AGPS: variants seen among roughly 807,000 people sequenced by gnomAD.
AGPS encodes alkylglycerone phosphate synthase.
Under a neutral mutation model 90.7 loss-of-function variants are expected in AGPS, and 26 were observed. That is an observed-to-expected ratio of 0.29 (90% confidence interval 0.21 to 0.40). The LOEUF (loss-of-function observed/expected upper bound fraction) is 0.40. Ranked by LOEUF, AGPS falls within the 10% of genes least tolerant of loss-of-function variation. The pLI is 1.00. For synonymous variants in AGPS, 294 were observed against 285.3 expected, an observed-to-expected ratio of 1.03 and a Z score of -0.31; for missense variants, 540 against 816.1, an observed-to-expected ratio of 0.66 and a Z score of 4.12.
At chr2:177,456,633 A>G (rs1559054373) in intron 8 of AGPS, among the ~76,000 whole-genome samples, 2 of 152,150 alleles carry the variant, frequency 1.3e-5, no homozygotes, top group Admixed American at 1.3e-4. Flanking sequence ...TTTGCTTTAC[A>G]CAATTCCTGG....
intron 14 of AGPS, among the ~76,000 whole-genome samples, chr2:177,502,537 C>A (rs566818203): frequency 2.0e-5 from 3 of 151,438 alleles, no homozygotes; most frequent in Non-Finnish European, 4.4e-5. Flanking sequence ...CCTCTTCAGC[C>A]GCCTGAGTAG....
At chr2:177,537,218 G>T (rs1016583935) in intron 19 of AGPS, among the ~76,000 whole-genome samples, 2 of 152,086 alleles carry the variant, frequency 1.3e-5, no homozygotes, top group Non-Finnish European at 2.9e-5. Flanking sequence ...TTCTTTTACA[G>T]ATTAAGTACA....
intron 9 of AGPS, among the ~76,000 whole-genome samples, chr2:177,466,084 C>T (rs547194681): frequency 6.6e-6 from 1 of 152,206 alleles, no homozygotes; most frequent in South Asian, 2.1e-4. Context: ...GATGAGCATC[C>T]AGCTCTCAGC....
chr2:177,517,447 T>C (rs2105729723), intron 17 of AGPS, among the ~76,000 whole-genome samples: 2 of 152,292 alleles, frequency 1.3e-5, no homozygotes, highest in East Asian at 3.9e-4. Context: ...TGGGCATTTC[T>C]CCCATTTCTT....
chr2:177,509,539 G>GTC, intron 16 of AGPS, among the ~76,000 whole-genome samples: 2 of 151,902 alleles, frequency 1.3e-5, no homozygotes, highest in East Asian at 3.9e-4. Context: ...GGTGGCGGGC[G>GTC]TCTGTAGTCC....
chr2:177,400,741 T>C (rs1322919536), intron 1 of AGPS, among the ~76,000 whole-genome samples: 1 of 152,244 alleles, frequency 6.6e-6, no homozygotes, highest in African/African-American at 2.4e-5. Flanking sequence ...CTCCAAATTC[T>C]ATTTATAGTT....
In AGPS at chr2:177,515,469, C is replaced by T. The variant is rs77566789; in HGVS notation, c.1697+1561C>T. ...AACTTAACAGATTTTACCCTTCCCC[C>T]TTCTTCCTTCTGCCCCCAAGTTCCT... On this transcript the variant is annotated intron_variant, in intron 17 of 19. Coordinates refer to ENST00000264167, the MANE Select transcript of AGPS (RefSeq NM_003659.4). Among the ~76,000 whole-genome samples, 920 of 151,820 alleles carry T rather than the reference C, an allele frequency of 6.1e-3. 11 individuals carry two copies. The highest frequency in any genetic ancestry group is 0.02 in the African/African-American group (834 of 41,384).
chr2:177,444,241 T>C (rs556141970), intron 7 of AGPS, among the ~76,000 whole-genome samples: 5 of 151,722 alleles, frequency 3.3e-5, no homozygotes, highest in Non-Finnish European at 7.4e-5. Context: ...GCCAATGTGG[T>C]GAAACCCTGT....
At chr2:177,440,833 T>G (rs1181292190) in intron 5 of AGPS, 132 bp from the exon 6 acceptor site, 4 of 717,324 alleles carry the variant, frequency 5.6e-6, no homozygotes, top group Non-Finnish European at 9.8e-6. Context: ...AGTACTCAAT[T>G]AACTCATTGT....
chr2:177,477,741 C>A (rs1329229893), intron 10 of AGPS, among the ~76,000 whole-genome samples: 1 of 152,084 alleles, frequency 6.6e-6, no homozygotes, highest in Non-Finnish European at 1.5e-5. Context: ...GTTTACATTA[C>A]CATCTGTAAT....
intron 17 of AGPS, 137 bp downstream of exon 17, chr2:177,514,045 C>T: frequency 5.8e-6 from 4 of 684,160 alleles, no homozygotes; most frequent in South Asian, 3.5e-5. Flanking sequence ...CCTTCACTTA[C>T]CACCTTGTTA....
intron 11 of AGPS, among the ~76,000 whole-genome samples, chr2:177,491,552 C>T (rs1460145208): frequency 1.3e-5 from 2 of 150,370 alleles, no homozygotes; most frequent in Non-Finnish European, 3.0e-5. Context: ...GCTGGGATTA[C>T]AGGTGTGAGC....
intron 8 of AGPS, among the ~76,000 whole-genome samples, chr2:177,454,466 T>C (rs1050273624): frequency 6.6e-6 from 1 of 151,984 alleles, no homozygotes; most frequent in African/African-American, 2.4e-5. Context: ...ACTGTTTTAA[T>C]GTTCTTGTCA....
intron 11 of AGPS, among the ~76,000 whole-genome samples, chr2:177,482,689 A>G (rs997848523): frequency 6.6e-6 from 1 of 152,154 alleles, no homozygotes; most frequent in African/African-American, 2.4e-5. Context: ...ACTTTGTTTC[A>G]TAATATTATC....
intron 8 of AGPS, among the ~76,000 whole-genome samples, chr2:177,451,648 GT>G (rs1162775610): frequency 7.2e-5 from 11 of 152,060 alleles, no homozygotes; most frequent in Non-Finnish European, 1.5e-4. Context: ...AACTATAGGT[GT>G]TTTTTGTAGA....
chr2:177,451,068 C>T (rs1384524715), intron 8 of AGPS, among the ~76,000 whole-genome samples: 3 of 107,614 alleles, frequency 2.8e-5, no homozygotes, highest in Non-Finnish European at 4.3e-5. Context: ...CTTAAATGAT[C>T]CTCCTGCTAC....
At chr2:177,506,248 C>T (rs1274476846) in intron 15 of AGPS, among the ~76,000 whole-genome samples, 1 of 151,062 alleles carries the variant, frequency 6.6e-6, no homozygotes, top group Non-Finnish European at 1.5e-5. Context: ...TTCCTGTTTA[C>T]ATAATTTGAA....
chr2:177,443,498 A>G (rs1686674902), intron 7 of AGPS, among the ~76,000 whole-genome samples: 1 of 152,252 alleles, frequency 6.6e-6, no homozygotes, highest in Admixed American at 6.5e-5. Context: ...CCACTAAATT[A>G]GAAGTTCCAT....
At chr2:177,439,327 G>T (rs1686524055) in intron 5 of AGPS, among the ~76,000 whole-genome samples, 2 of 152,168 alleles carry the variant, frequency 1.3e-5, no homozygotes, top group Admixed American at 1.3e-4. Context: ...GAAAAGAAAA[G>T]CATGTAAGAG....
Sources: allele counts gnomAD v4.1 joint callset (sites outside exome capture counted in the v4.1 genomes callset), GRCh38; gene constraint gnomAD v4.1.1; transcripts MANE v1.5; gene names NCBI Gene and HGNC (gene_info 2026-07-23, HGNC 2026-07-21).